EML6: variants seen among roughly 807,000 people sequenced by gnomAD.
EML6 encodes echinoderm microtubule-associated protein-like 6.
Under a neutral mutation model 240.1 loss-of-function variants are expected in EML6, and 154 were observed. The ratio of observed to expected loss-of-function variants is 0.64; its 90% confidence interval spans 0.56 to 0.73. EML6 has a LOEUF of 0.73. EML6 is among the 30% of genes least tolerant of loss of function. The pLI, the probability that EML6 is intolerant of heterozygous loss-of-function variation, is 0.00. For synonymous variants in EML6, 1,148 were observed against 899.0 expected, an observed-to-expected ratio of 1.28 and a Z score of -4.95; for missense variants, 2,964 against 2,474.6, an observed-to-expected ratio of 1.20 and a Z score of -4.20.
intron 24 of EML6, among the ~76,000 whole-genome samples, chr2:54,905,453 A>G (rs1005946797): frequency 1.3e-5 from 2 of 151,918 alleles, no homozygotes; most frequent in African/African-American, 2.4e-5. Context: ...TGTTTCTATT[A>G]CGGAGTGAAG....
chr2:54,839,479 C>T (rs956787914), intron 7 of EML6, among the ~76,000 whole-genome samples: 4 of 152,170 alleles, frequency 2.6e-5, no homozygotes, highest in African/African-American at 4.8e-5. Flanking sequence ...TAGGGAGAGA[C>T]GCAGTTGCTC....
At chr2:54,778,466 G>A (rs1045353871) in intron 2 of EML6, among the ~76,000 whole-genome samples, 132 of 152,248 alleles carry the variant, frequency 8.7e-4, no homozygotes, top group African/African-American at 3.0e-3. Flanking sequence ...AGTCAGCTAC[G>A]TTTCCAAATG....
chr2:54,896,177 A>C (rs1672754391), intron 21 of EML6, among the ~76,000 whole-genome samples: 1 of 152,182 alleles, frequency 6.6e-6, no homozygotes, highest in South Asian at 2.1e-4. Flanking sequence ...ACATTACAGG[A>C]TCTGCTCAAA....
At chr2:54,777,152 A>G (rs1053179222) in intron 2 of EML6, among the ~76,000 whole-genome samples, 1 of 152,190 alleles carries the variant, frequency 6.6e-6, no homozygotes, top group Non-Finnish European at 1.5e-5. Flanking sequence ...TTTGACCTCA[A>G]TACTCACAGA....
rs1670225016 is a variant in EML6, at chr2:54,853,848, C to T, written c.1650C>T (p.Leu550=). 4 of 1,549,886 alleles carry T rather than the reference C, an allele frequency of 2.6e-6. No homozygotes were observed. Among genetic ancestry groups the T allele is most frequent in the Non-Finnish European group, 2.6e-6 (3 of 1,145,566 alleles). ...GLVKLFKFPC[L]KRGAKFRKYV... is the part of the protein sequence containing the mutation. ...TTAAATTGTTTAAATTTCCTTGTCT[C>T]AAGAGAGGTAAGGCCAAAAGAGATG... The change falls in exon 11 of 42, where the codon CTC becomes CTT. Residue 550 remains leucine, a synonymous_variant. Coordinates refer to ENST00000356458, the MANE Select transcript of EML6 (RefSeq NM_001039753.4).
chr2:54,771,063 T>C (rs1572877380), intron 2 of EML6, among the ~76,000 whole-genome samples: 1 of 152,122 alleles, frequency 6.6e-6, no homozygotes, highest in Non-Finnish European at 1.5e-5. Context: ...TGGATGACAA[T>C]GTCAAGTGGG....
intron 12 of EML6, 86 bp from the exon 13 acceptor site, chr2:54,863,697 G>C (rs1180471852): frequency 1.4e-6 from 1 of 706,754 alleles, no homozygotes; most frequent in Admixed American, 2.7e-5. Context: ...TACTTTGCTA[G>C]GATAAAAGGA....
intron 21 of EML6, among the ~76,000 whole-genome samples, chr2:54,898,182 C>G (rs1323147717): frequency 6.6e-6 from 1 of 152,058 alleles, no homozygotes; most frequent in African/African-American, 2.4e-5. Flanking sequence ...AAGCAGGATC[C>G]TAAGCCCATT....
chr2:54,891,348 A>G (rs932943995), intron 18 of EML6, among the ~76,000 whole-genome samples, 194 bp downstream of exon 18: 2 of 152,254 alleles, frequency 1.3e-5, no homozygotes, highest in African/African-American at 2.4e-5. Flanking sequence ...ATGCATATTC[A>G]TCAATACCTA....
At position 54,891,535 on chromosome 2, in the gene EML6, C is replaced by G. The variant is rs182182698; in HGVS notation, c.2539+381C>G. ...TTATTTATCTATTACTGAATTTAAACCTGAATTAAACCCTGAGTCTGCCCA... is the reference window on the plus strand; with the variant it reads ...TTATTTATCTATTACTGAATTTAAAGCTGAATTAAACCCTGAGTCTGCCCA... On this transcript the variant is annotated intron_variant, in intron 18 of 41. Transcript: ENST00000356458. 3.5e-3 allele frequency among the ~76,000 whole-genome samples: 538 copies of G among 152,202 alleles called. 2 individuals carry two copies. Among genetic ancestry groups the G allele is most frequent in the Middle Eastern group, 0.02 (6 of 294 alleles).
intron 17 of EML6, among the ~76,000 whole-genome samples, chr2:54,883,726 A>T (rs964361999): frequency 6.6e-6 from 1 of 152,210 alleles, no homozygotes; most frequent in East Asian, 1.9e-4. Flanking sequence ...ACACACATGC[A>T]CATGTGTGCA....
chr2:54,896,850 C>T (rs1411134005), intron 21 of EML6, among the ~76,000 whole-genome samples: 3 of 152,148 alleles, frequency 2.0e-5, no homozygotes, highest in Non-Finnish European at 4.4e-5. Context: ...GCCCAAATCC[C>T]ACCCTGGATA....
intron 2 of EML6, among the ~76,000 whole-genome samples, chr2:54,810,185 A>G (rs1262784707): frequency 6.6e-6 from 1 of 152,222 alleles, no homozygotes. Context: ...GATTTAACAA[A>G]CAGTGTGAAG....
chr2:54,891,549 T>C (rs980760604), intron 18 of EML6, among the ~76,000 whole-genome samples: 4 of 152,214 alleles, frequency 2.6e-5, no homozygotes, highest in African/African-American at 4.8e-5. Flanking sequence ...AATTAAACCC[T>C]GAGTCTGCCC....
intron 18 of EML6, 134 bp from the exon 19 acceptor site, chr2:54,892,320 T>C: frequency 1.6e-6 from 1 of 634,294 alleles, no homozygotes; most frequent in Non-Finnish European, 2.8e-6. Context: ...TTCATGATGT[T>C]CTCTGTCACT....
At chr2:54,899,440 G>A (rs1049217172) in intron 21 of EML6, among the ~76,000 whole-genome samples, 2 of 152,216 alleles carry the variant, frequency 1.3e-5, no homozygotes, top group Admixed American at 6.5e-5. Flanking sequence ...ATTTAGCATC[G>A]TGTAGGTCTA....
chr2:54,840,034 T>C (rs1669358730), intron 7 of EML6, among the ~76,000 whole-genome samples: 1 of 152,182 alleles, frequency 6.6e-6, no homozygotes, highest in East Asian at 1.9e-4. Context: ...AAAAAGTAGA[T>C]TATTTAGTTT....
At chr2:54,859,746 G>C (rs970415993) in intron 12 of EML6, 45 bp downstream of exon 12, 26 of 1,477,134 alleles carry the variant, frequency 1.8e-5, no homozygotes, top group Non-Finnish European at 2.4e-5. Flanking sequence ...TTTTTCAATA[G>C]GCATTTCAAA....
intron 22 of EML6, among the ~76,000 whole-genome samples, chr2:54,902,611 C>T (rs1673117444): frequency 6.6e-6 from 1 of 152,184 alleles, no homozygotes; most frequent in Non-Finnish European, 1.5e-5. Context: ...GTTGCCCAGG[C>T]TGGTCTTGAA....
Sources: gnomAD v4.1 joint callset for allele counts (sites outside exome capture counted in the v4.1 genomes callset) on GRCh38, gnomAD v4.1.1 for gene constraint, MANE v1.5 for transcripts, NCBI Gene and HGNC (gene_info 2026-07-23, HGNC 2026-07-21) for gene names.